Variants in ERGIC1 observed in about 807,000 individuals in gnomAD.
ERGIC1 encodes endoplasmic reticulum-Golgi intermediate compartment protein 1.
A neutral mutation model predicts 38.3 loss-of-function variants in ERGIC1; 19 were observed. That is an observed-to-expected ratio of 0.50 (90% CI 0.35 to 0.73). The LOEUF is 0.73. ERGIC1 is among the 30% of genes least tolerant of loss of function. ERGIC1 has a pLI of 0.01. For synonymous variants in ERGIC1, 124 were observed against 157.6 expected (o/e 0.79, Z 1.60); for missense variants, 294 against 389.2 (o/e 0.76, Z 2.06).
intron 1 of ERGIC1, among the ~76,000 whole-genome samples, chr5:172,863,635 C>G (rs1761776145): frequency 6.6e-6 from 1 of 152,132 alleles, no homozygotes; most frequent in African/African-American, 2.4e-5. Context: ...GCAGCTGCCC[C>G]TGATCTCTCA....
rs565201891 is a variant in ERGIC1, at chr5:172,912,966, G to A, written c.251-1748G>A. On this transcript the variant is annotated intron_variant, in intron 4 of 9. Transcript: ENST00000393784. ...TGTGGTTTTAGTAGAGATGGGGTTC[G>A]CCATATTGGCCAGGCTGGTCTCGAA... Among the ~76,000 whole-genome samples the A allele has an allele frequency of 2.6e-5, 4 of 152,084 alleles. No homozygotes were observed. The South Asian group carries it at 6.2e-4, about 24-fold the overall frequency.
rs1191189327 is a variant in ERGIC1, at chr5:172,893,868, GATATATATATATATATATATAT to G, written c.83-3117_83-3096del. ...CATTACGCTGCTGTTCACTTAGGGG[GATATATATATATATATATATAT>G]ATATATATATATATATGTGTGTGTG... On this transcript the variant is annotated intron_variant, in intron 2 of 9. Transcript: ENST00000393784. Among the ~76,000 whole-genome samples the G allele has an allele frequency of 1.9e-3, 54 of 28,258 alleles. 1 individual carries two copies. Among genetic ancestry groups the G allele is most frequent in the African/African-American group, 3.7e-3 (50 of 13,520 alleles). The allele number at this position is 28,258 out of a possible 152,430, so 18.5% of individuals were successfully genotyped here.
At chr5:172,876,547 A>G (rs78126645) in intron 1 of ERGIC1, among the ~76,000 whole-genome samples, 21,565 of 152,208 alleles carry the variant, frequency 0.14, 1,579 homozygotes, top group African/African-American at 0.18. Flanking sequence ...ATGTATTTCA[A>G]TCACGGCTGT....
At chr5:172,918,941 C>T (rs989841533) in intron 5 of ERGIC1, among the ~76,000 whole-genome samples, 3 of 152,118 alleles carry the variant, frequency 2.0e-5, no homozygotes, top group Non-Finnish European at 4.4e-5. Flanking sequence ...CTCCCCACCA[C>T]GCCCCTCATC....
At chr5:172,921,903 C>T (rs537620251) in intron 5 of ERGIC1, among the ~76,000 whole-genome samples, 2 of 152,356 alleles carry the variant, frequency 1.3e-5, no homozygotes, top group East Asian at 1.9e-4. Context: ...GGATGTCCTT[C>T]CCCCTGGGAA....
intron 2 of ERGIC1, among the ~76,000 whole-genome samples, chr5:172,893,796 C>T (rs940126342): frequency 7.0e-6 from 1 of 143,012 alleles, no homozygotes; most frequent in African/African-American, 2.5e-5. Context: ...GAACCTGTTT[C>T]GACATAGATT....
chr5:172,931,147 T>A (rs938338565), intron 7 of ERGIC1: 1 of 152,092 alleles, frequency 6.6e-6, no homozygotes, highest in Non-Finnish European at 1.5e-5. Context: ...GGCCTAAATT[T>A]CTGTGTTATT....
intron 9 of ERGIC1, among the ~76,000 whole-genome samples, chr5:172,944,908 G>A (rs550106393): frequency 2.0e-5 from 3 of 152,256 alleles, no homozygotes; most frequent in African/African-American, 4.8e-5. Context: ...CCACGCCCCC[G>A]GCTGACACCC....
At chr5:172,882,580 C>T (rs1402105287) in intron 1 of ERGIC1, among the ~76,000 whole-genome samples, 11 of 152,060 alleles carry the variant, frequency 7.2e-5, no homozygotes, top group Non-Finnish European at 1.5e-5. Flanking sequence ...TCCATTTTCT[C>T]CCTGGAAAAA....
At chr5:172,906,616 C>A (rs1474881242) in intron 3 of ERGIC1, among the ~76,000 whole-genome samples, 2 of 152,142 alleles carry the variant, frequency 1.3e-5, no homozygotes, top group Non-Finnish European at 2.9e-5. Context: ...AACGAAATTC[C>A]TTTGCCTTGG....
chr5:172,877,224 A>G (rs1217275974), intron 1 of ERGIC1, among the ~76,000 whole-genome samples: 5 of 152,058 alleles, frequency 3.3e-5, no homozygotes, highest in Admixed American at 1.3e-4. Context: ...ATTGGAATTG[A>G]GTTGAATCTA....
chr5:172,863,991 G>A (rs1339704160), intron 1 of ERGIC1, among the ~76,000 whole-genome samples: 1 of 152,160 alleles, frequency 6.6e-6, no homozygotes, highest in Non-Finnish European at 1.5e-5. Context: ...CGGTCAGGAG[G>A]TTGAGACTAG....
intron 1 of ERGIC1, among the ~76,000 whole-genome samples, chr5:172,847,382 T>C (rs1466846984): frequency 6.6e-6 from 1 of 152,174 alleles, no homozygotes; most frequent in African/African-American, 2.4e-5. Context: ...AGAAAGTGCT[T>C]TCATGAGCAT....
intron 1 of ERGIC1, among the ~76,000 whole-genome samples, chr5:172,855,936 A>G (rs1761538125): frequency 6.6e-6 from 1 of 152,236 alleles, no homozygotes; most frequent in Non-Finnish European, 1.5e-5. Flanking sequence ...CTTTTTGCCA[A>G]GAGGCCTCTT....
chr5:172,943,818 T>C (rs1764061889), intron 9 of ERGIC1, among the ~76,000 whole-genome samples: 1 of 152,194 alleles, frequency 6.6e-6, no homozygotes, highest in African/African-American at 2.4e-5. Flanking sequence ...AATGATGCAC[T>C]GGGAAGGCGT....
intron 1 of ERGIC1, among the ~76,000 whole-genome samples, chr5:172,843,888 C>T (rs902981750): frequency 6.6e-6 from 1 of 152,266 alleles, no homozygotes; most frequent in South Asian, 2.1e-4. Flanking sequence ...ACTTTCTTTG[C>T]GGGGATTTTG....
In ERGIC1 at chr5:172,846,298, TAAC is replaced by T. The variant is rs757674514; in HGVS notation, c.20+11867_20+11869del. Among the ~76,000 whole-genome samples the T allele has an allele frequency of 7.2e-5, 11 of 152,198 alleles. No individual in the cohort carries two copies. The highest frequency in any genetic ancestry group is 1.2e-4 in the Non-Finnish European group (8 of 68,030). The stretch of plus-strand genomic sequence containing the variant: ...ATCCCTTGTGTGATGCTACGTGACT[TAAC>T]AGCGCCTCTTTCTGCGCTGTCTGTG... On this transcript the variant is annotated intron_variant, in intron 1 of 9. Coordinates refer to ENST00000393784, the MANE Select transcript of ERGIC1 (RefSeq NM_001031711.3). The surrounding 1 kb of genome is among the most constrained non-coding windows in gnomAD (Gnocchi z 4.0).
chr5:172,844,394 G>A (rs1374647918), intron 1 of ERGIC1, among the ~76,000 whole-genome samples: 2 of 152,210 alleles, frequency 1.3e-5, no homozygotes, highest in African/African-American at 2.4e-5. Flanking sequence ...GATAAATTGC[G>A]TGAAAATGGT....
At chr5:172,858,150 A>AG (rs1208297495) in intron 1 of ERGIC1, among the ~76,000 whole-genome samples, 1 of 152,180 alleles carries the variant, frequency 6.6e-6, no homozygotes, top group Admixed American at 6.5e-5. Flanking sequence ...AAAGGTGCTT[A>AG]GGGTTCACTG....
Sources: allele counts gnomAD v4.1 joint callset (sites outside exome capture counted in the v4.1 genomes callset), GRCh38; gene constraint gnomAD v4.1.1; non-coding constraint Gnocchi (gnomAD v3.1); transcripts MANE v1.5; gene names NCBI Gene and HGNC (gene_info 2026-07-23, HGNC 2026-07-21).